ROBO2: variants seen among roughly 807,000 people sequenced by gnomAD.
ROBO2 encodes the protein roundabout homolog 2.
A neutral mutation model predicts 160.8 loss-of-function variants in ROBO2; 53 were observed. The ratio of observed to expected loss-of-function variants is 0.33; its 90% CI spans 0.26 to 0.41. The LOEUF is 0.41. Ranked by LOEUF, ROBO2 falls within the 10% of genes least tolerant of loss-of-function variation. The pLI is 1.00. For synonymous variants in ROBO2, 664 were observed against 611.7 expected (o/e 1.09, Z -1.26); for missense variants, 1,577 against 1,722.4 (o/e 0.92, Z 1.49).
intron 2 of ROBO2, among the ~76,000 whole-genome samples, chr3:77,442,088 G>T (rs1405285429): frequency 2.6e-5 from 4 of 152,064 alleles, no homozygotes; most frequent in Non-Finnish European, 5.9e-5. Flanking sequence ...CTAGGCAGGC[G>T]GATCACGAGG....
chr3:77,372,373 C>A (rs2071896983), intron 2 of ROBO2, among the ~76,000 whole-genome samples: 1 of 151,986 alleles, frequency 6.6e-6, no homozygotes, highest in African/African-American at 2.4e-5. Context: ...CCATTTCTGA[C>A]TTTGATGCTA....
intron 2 of ROBO2, among the ~76,000 whole-genome samples, chr3:76,256,274 C>T (rs1453401014): frequency 6.8e-6 from 1 of 147,602 alleles, no homozygotes; most frequent in Non-Finnish European, 1.5e-5. Flanking sequence ...TGTGCCACTG[C>T]ACTGCAGCCT....
chr3:76,696,209 C>T lies in ROBO2; in HGVS notation c.110-401805C>T, dbSNP rs184068570. Among the ~76,000 whole-genome samples the T allele has an allele frequency of 2.8e-3, 421 of 152,234 alleles. 2 individuals are homozygous for T. Among genetic ancestry groups the T allele is most frequent in the African/African-American group, 9.3e-3 (387 of 41,524 alleles). ...TTGTAATGGAGCAGGAACGTCGTAG[C>T]GAGTCTAGCCTCCCCAGATTTGTAA... On this transcript the variant is annotated intron_variant, in intron 2 of 26. Transcript: ENST00000487694.
chr3:76,350,048 C>G (rs6769224), intron 2 of ROBO2, among the ~76,000 whole-genome samples: 13,530 of 152,044 alleles, frequency 0.089, 661 homozygotes, highest in Non-Finnish European at 0.1. Context: ...GAAACAAATA[C>G]CATCAGTACC....
chr3:77,515,836 G>T (rs943309756), intron 5 of ROBO2, among the ~76,000 whole-genome samples: 1 of 151,560 alleles, frequency 6.6e-6, no homozygotes, highest in Non-Finnish European at 1.5e-5. Context: ...CAGGGCACTG[G>T]ATAACAAAGA....
intron 2 of ROBO2, among the ~76,000 whole-genome samples, chr3:75,995,711 G>C (rs1171141920): frequency 6.6e-6 from 1 of 152,160 alleles, no homozygotes; most frequent in African/African-American, 2.4e-5. Context: ...GAAAGCTGCA[G>C]ACACTGAAAG....
In ROBO2 at chr3:76,085,636, G is replaced by T. The variant is rs533291682; in HGVS notation, c.109+148034G>T. ...TAGAGGTCAGATCACAGAGCAAACT[G>T]TTGCCCCTGAAATTGGAGAGAGACA... On this transcript the variant is annotated intron_variant, in intron 2 of 26. Coordinates refer to the ROBO2 transcript ENST00000487694. Among the ~76,000 whole-genome samples, 97 of 152,146 alleles carry T rather than the reference G, an allele frequency of 6.4e-4. 1 individual carries two copies. Among genetic ancestry groups the T allele is most frequent in the Non-Finnish European group, 1.2e-3 (85 of 68,024 alleles).
intron 2 of ROBO2, among the ~76,000 whole-genome samples, chr3:76,521,210 G>C (rs925530550): frequency 1.3e-5 from 2 of 151,968 alleles, no homozygotes; most frequent in Non-Finnish European, 2.9e-5. Flanking sequence ...CACCACGCTT[G>C]GCTAATTTTT....
intron 2 of ROBO2, chr3:77,317,274 ATT>A (rs373374343): frequency 1.6e-5 from 11 of 691,118 alleles, no homozygotes; most frequent in Non-Finnish European, 2.6e-5. Context: ...TGATTTTAGC[ATT>A]TTTTTTTTCC....
intron 2 of ROBO2, among the ~76,000 whole-genome samples, chr3:76,290,255 C>A (rs1020567012): frequency 6.6e-6 from 1 of 152,046 alleles, no homozygotes; most frequent in African/African-American, 2.4e-5. Flanking sequence ...GTTTTACCTC[C>A]CTGAATAGCT....
At chr3:76,572,413 T>C (rs1392772300) in intron 2 of ROBO2, among the ~76,000 whole-genome samples, 2 of 152,072 alleles carry the variant, frequency 1.3e-5, no homozygotes, top group South Asian at 2.1e-4. Context: ...AATGAAATCA[T>C]GGGGTTGGAA....
At chr3:76,958,986 C>A (rs890524270) in intron 2 of ROBO2, among the ~76,000 whole-genome samples, 1 of 152,182 alleles carries the variant, frequency 6.6e-6, no homozygotes, top group Non-Finnish European at 1.5e-5. Context: ...TAACAACATT[C>A]ACAGCTAATA....
chr3:76,406,758 A>C (rs945824427), intron 2 of ROBO2, among the ~76,000 whole-genome samples: 1 of 151,950 alleles, frequency 6.6e-6, no homozygotes, highest in African/African-American at 2.4e-5. Flanking sequence ...TTTGTGTGAA[A>C]ATAGAAAGCT....
intron 2 of ROBO2, among the ~76,000 whole-genome samples, chr3:77,261,943 C>A (rs919175316): frequency 2.6e-5 from 4 of 151,860 alleles, no homozygotes; most frequent in Admixed American, 2.6e-4. Flanking sequence ...TGATTTCATT[C>A]TTTGTGTGAA....
intron 2 of ROBO2, among the ~76,000 whole-genome samples, chr3:76,471,375 T>C (rs1041687658): frequency 4.6e-5 from 7 of 152,290 alleles, no homozygotes; most frequent in Admixed American, 3.9e-4. Flanking sequence ...TATGAGCCTA[T>C]GTCCTTTCTG....
intron 2 of ROBO2, among the ~76,000 whole-genome samples, chr3:76,101,252 A>G (rs958721102): frequency 1.3e-5 from 2 of 152,198 alleles, no homozygotes; most frequent in Non-Finnish European, 1.5e-5. Context: ...ATGTTAATCA[A>G]TATTATCATC....
chr3:76,785,191 A>G (rs1216170994), intron 2 of ROBO2, among the ~76,000 whole-genome samples: 3 of 151,224 alleles, frequency 2.0e-5, no homozygotes, highest in South Asian at 2.1e-4. Flanking sequence ...CAGATCTTCC[A>G]TTACTAAGAT....
At chr3:77,560,523 T>C (rs2093287674) in intron 9 of ROBO2, among the ~76,000 whole-genome samples, 1 of 152,132 alleles carries the variant, frequency 6.6e-6, no homozygotes, top group East Asian at 1.9e-4. Flanking sequence ...AGAAGTGGGC[T>C]TTCCAATAGT....
intron 4 of ROBO2, among the ~76,000 whole-genome samples, chr3:77,490,946 CT>C (rs1246140030): frequency 6.6e-6 from 1 of 152,210 alleles, no homozygotes; most frequent in African/African-American, 2.4e-5. Flanking sequence ...TCTAATTTAT[CT>C]TTCACAGACA....
Sources: gnomAD v4.1 joint callset for allele counts (sites outside exome capture counted in the v4.1 genomes callset) on GRCh38, gnomAD v4.1.1 for gene constraint, MANE v1.5 for transcripts, NCBI Gene and HGNC (gene_info 2026-07-23, HGNC 2026-07-21) for gene names.